The following SIN3A variants were observed in gnomAD, a reference collection of about 807,000 sequenced individuals.
SIN3A encodes SIN3 transcription regulator family member A, also known as paired amphipathic helix protein Sin3a.
In SIN3A, 14 loss-of-function variants were observed where a neutral mutation model predicts 146.1. That is an observed-to-expected ratio of 0.10 (90% confidence interval 0.06 to 0.15). The LOEUF is 0.15. Among genes scored for constraint, SIN3A ranks in the 10% least tolerant of loss-of-function variants. The pLI, the probability that SIN3A is intolerant of heterozygous loss-of-function variation, is 1.00. For missense variants in SIN3A, 1,028 were observed against 1,576.0 expected (o/e 0.65, Z 5.89); for synonymous variants, 572 against 572.0 (o/e 1.00, Z 0.00).
chr15:75,395,726 T>G lies in SIN3A; in HGVS notation c.2093+532A>C, dbSNP rs189766402. On this transcript the variant is annotated intron_variant, in intron 13 of 20. Coordinates refer to ENST00000394947, the MANE Select transcript of SIN3A (RefSeq NM_001145358.2). ...CCAGCCTGGGAAATATAGCAAGACCTCATCTCTATTAAAAAAAATAAAATA... is the reference window on the plus strand; with the variant it reads ...CCAGCCTGGGAAATATAGCAAGACCGCATCTCTATTAAAAAAAATAAAATA... Among the ~76,000 whole-genome samples the G allele has an allele frequency of 5.9e-5, 9 of 151,874 alleles. No homozygotes were observed. In the East Asian group the frequency reaches 1.4e-3, roughly 23 times the overall value.
intron 19 of SIN3A, chr15:75,376,170 C>T: frequency 2.2e-6 from 1 of 449,364 alleles, no homozygotes. Context: ...TTACCAGCTA[C>T]AGTTCTGCTT....
rs549597181 is a variant in SIN3A at position 75,422,799 on chromosome 15, C to T, written c.214G>A (p.Gly72Ser). 10 of 1,613,674 alleles carry T rather than the reference C, an allele frequency of 6.2e-6. No homozygotes were observed. Among genetic ancestry groups the T allele is most frequent in the Middle Eastern group, 1.6e-4 (1 of 6,062 alleles). ...GCTGCTATAGCGGGCCCATGACTGCCGGAGCTCTGTGGCATGGCTGAAACC... is the reference window on the plus strand; with the variant it reads ...GCTGCTATAGCGGGCCCATGACTGCTGGAGCTCTGTGGCATGGCTGAAACC... The part of the protein sequence containing the change: ...YQVSAMPQSS[G>S]SHGPAIAAVH... The change falls in exon 3 of 21, where the codon GGC (glycine) becomes AGC (serine). Residue 72 changes from glycine to serine, a missense_variant. Coordinates refer to ENST00000394947, the MANE Select transcript of SIN3A (RefSeq NM_001145358.2).
intron 12 of SIN3A, 115 bp downstream of exon 12, chr15:75,399,925 T>G: frequency 1.4e-6 from 1 of 691,754 alleles, no homozygotes; most frequent in Non-Finnish European, 2.6e-6. Flanking sequence ...GCACTTACCA[T>G]AGAAGAATGT....
chr15:75,378,735 G>A (rs1173495684), intron 19 of SIN3A, among the ~76,000 whole-genome samples: 3 of 152,034 alleles, frequency 2.0e-5, no homozygotes, highest in African/African-American at 7.3e-5. Flanking sequence ...GCAACAGATT[G>A]AATATAGAAG....
intron 3 of SIN3A, among the ~76,000 whole-genome samples, chr15:75,417,113 T>A (rs2073753512): frequency 6.6e-6 from 1 of 151,964 alleles, no homozygotes; most frequent in African/African-American, 2.4e-5. Context: ...GGAAAGTATC[T>A]TTAAAGCTGG....
chr15:75,375,582 A>C, intron 20 of SIN3A, 83 bp downstream of exon 20: 1 of 1,107,604 alleles, frequency 9.0e-7, no homozygotes, highest in Non-Finnish European at 1.4e-6. Flanking sequence ...TAAACAAAGA[A>C]AAACAATCAG....
rs2073603219 is a variant in SIN3A, at chr15:75,410,113, ATT to A, written c.1161+19_1161+20del. 5.6e-6 allele frequency: 9 copies of A among 1,611,636 alleles called. No individual in the cohort carries two copies. Among genetic ancestry groups the A allele is most frequent in the Non-Finnish European group, 7.6e-6 (9 of 1,178,432 alleles). On this transcript the variant is annotated intron_variant, in intron 7 of 20. Coordinates refer to ENST00000394947, the MANE Select transcript of SIN3A (RefSeq NM_001145358.2). ...TAAGATAATAATAGTAAATAGTGTA[ATT>A]CTTATTAAAAAAACATACCACGGAG...
chr15:75,402,737 C>G (rs977880957), intron 9 of SIN3A, among the ~76,000 whole-genome samples: 4 of 152,124 alleles, frequency 2.6e-5, no homozygotes, highest in East Asian at 3.9e-4. Context: ...TGGGTTCAAG[C>G]AATTCTCCTG....
chr15:75,418,372 C>T (rs1342677359), intron 3 of SIN3A, among the ~76,000 whole-genome samples: 2 of 152,142 alleles, frequency 1.3e-5, no homozygotes, highest in African/African-American at 2.4e-5. Context: ...GTCACCCAGG[C>T]TGGAGTGCAG....
chr15:75,412,325 A>G (rs1412594190), intron 5 of SIN3A, among the ~76,000 whole-genome samples: 1 of 152,214 alleles, frequency 6.6e-6, no homozygotes, highest in Non-Finnish European at 1.5e-5. Context: ...AGAACACCCC[A>G]TCTTCATCAC....
intron 2 of SIN3A, among the ~76,000 whole-genome samples, chr15:75,427,781 C>T (rs2073950395): frequency 6.6e-6 from 1 of 151,946 alleles, no homozygotes; most frequent in South Asian, 2.1e-4. Flanking sequence ...ACCAGTCTGG[C>T]CCACATGGCG....
intron 14 of SIN3A, 137 bp downstream of exon 14, chr15:75,394,543 G>T: frequency 1.6e-6 from 1 of 620,520 alleles, no homozygotes; most frequent in Non-Finnish European, 2.7e-6. Context: ...AATAGAAAAG[G>T]CTATGACAGC....
Position 75,400,124 on chromosome 15 carries a change from C to T in SIN3A, c.1770G>A (p.Ser590=), listed in dbSNP as rs373830836. 7.5e-6 allele frequency: 12 copies of T among 1,609,262 alleles called. No homozygotes were observed. The highest frequency in any genetic ancestry group is 6.6e-5 in the South Asian group (6 of 90,906). Residue 590 remains serine (S), a synonymous_variant, in exon 12 of 21, where the codon TCG becomes TCA. Transcript: ENST00000394947. ...VLNDTWVSFP[S]WSEDSTFVSS... is the part of the protein sequence containing the mutation. Reference sequence around the variant, plus strand: ...TCACAAAGGTAGAGTCCTCAGACCACGAAGGGAAGGAAACCCAGGTATCAT... The same window carrying T: ...TCACAAAGGTAGAGTCCTCAGACCATGAAGGGAAGGAAACCCAGGTATCAT...
chr15:75,375,221 A>G (rs2072832093), intron 20 of SIN3A, among the ~76,000 whole-genome samples: 1 of 152,176 alleles, frequency 6.6e-6, no homozygotes, highest in Non-Finnish European at 1.5e-5. Context: ...AAACAAACAA[A>G]CAAAAAATCA....
Position 75,400,142 on chromosome 15 carries a change from G to C in SIN3A, c.1752C>G (p.Thr584=). The C allele has an allele frequency of 6.3e-7, 1 of 1,599,890 alleles. No homozygotes were observed. Among genetic ancestry groups the C allele is most frequent in the Non-Finnish European group, 8.6e-7 (1 of 1,167,338 alleles). ...CAGACCACGAAGGGAAGGAAACCCA[G>C]GTATCATTTAAAACCTTTGGGTAGA... ...TPLCKEVLND[T]WVSFPSWSED... is the part of the protein sequence containing the mutation. Residue 584 remains threonine (T), a synonymous_variant, in exon 12 of 21, where the codon ACC becomes ACG. Coordinates refer to ENST00000394947, the MANE Select transcript of SIN3A (RefSeq NM_001145358.2).
chr15:75,453,334 A>T (rs1414062370), upstream of SIN3A: 1 of 152,244 alleles, frequency 6.6e-6, no homozygotes, highest in South Asian at 2.1e-4. Context: ...CTGCCCCAGG[A>T]CAGAGCTCTA....
intron 19 of SIN3A, among the ~76,000 whole-genome samples, chr15:75,376,717 A>G (rs2072863972): frequency 6.6e-6 from 1 of 151,658 alleles, no homozygotes; most frequent in Non-Finnish European, 1.5e-5. Flanking sequence ...AAAATTAGGC[A>G]GGTGTGGTGA....
intron 3 of SIN3A, among the ~76,000 whole-genome samples, chr15:75,417,845 C>A (rs2073769531): frequency 1.3e-5 from 2 of 152,038 alleles, no homozygotes; most frequent in Non-Finnish European, 1.5e-5. Context: ...GATTGTGGAG[C>A]CCTCATGAAT....
At chr15:75,388,197 A>G (rs910613549) in intron 16 of SIN3A, 43 of 152,370 alleles carry the variant, frequency 2.8e-4, no homozygotes, top group African/African-American at 9.4e-4. Flanking sequence ...TTTTCACTTA[A>G]GTACTTCACC....
Sources: gnomAD v4.1 joint callset for allele counts (sites outside exome capture counted in the v4.1 genomes callset) on GRCh38, gnomAD v4.1.1 for gene constraint, MANE v1.5 for transcripts, NCBI Gene and HGNC (gene_info 2026-07-23, HGNC 2026-07-21) for gene names.